CMSS1: variants seen among roughly 807,000 people sequenced by gnomAD.
CMSS1 encodes the protein protein CMSS1.
CMSS1 carries 33 observed loss-of-function variants against 43.5 expected under a neutral mutation model. The observed-to-expected ratio is 0.76, with a 90% CI of 0.57 to 1.01. The LOEUF is 1.01. CMSS1 is among the 50% of genes least tolerant of loss of function. The pLI is 0.00. For missense variants in CMSS1, 313 were observed against 326.4 expected, an observed-to-expected ratio of 0.96 and a Z score of 0.32; for synonymous variants, 115 against 117.2, an observed-to-expected ratio of 0.98 and a Z score of 0.12.
chr3:100,133,185 G>T lies in CMSS1; in HGVS notation c.65-13788G>T, dbSNP rs151309636. The stretch of plus-strand genomic sequence containing the variant: ...TGAAATAATCTAAGTAATGATAGAA[G>T]AACAAAGAAATATATTGTAGACAAA... On this transcript the variant is annotated intron_variant, in intron 1 of 9. Coordinates refer to ENST00000421999, the MANE Select transcript of CMSS1 (RefSeq NM_032359.4). 8.2e-4 allele frequency among the ~76,000 whole-genome samples: 125 copies of T among 152,048 alleles called. 1 individual carries two copies. The highest frequency in any genetic ancestry group is 2.8e-3 in the African/African-American group (118 of 41,512).
intron 1 of CMSS1, among the ~76,000 whole-genome samples, chr3:100,145,033 A>G (rs900857904): frequency 6.6e-6 from 1 of 152,220 alleles, no homozygotes; most frequent in South Asian, 2.1e-4. Flanking sequence ...CAGAGATCCT[A>G]TAAATACTTT....
intron 1 of CMSS1, among the ~76,000 whole-genome samples, chr3:100,068,924 T>C (rs2065714255): frequency 6.6e-6 from 1 of 152,178 alleles, no homozygotes; most frequent in Non-Finnish European, 1.5e-5. Flanking sequence ...AAGTTCAGCT[T>C]GCTCTCACCC....
chr3:99,959,169 G>A (rs972119180), intron 1 of CMSS1, among the ~76,000 whole-genome samples: 14 of 152,000 alleles, frequency 9.2e-5, no homozygotes, highest in African/African-American at 3.4e-4. Context: ...TATTTTTTGA[G>A]GCAGAGTCTC....
At chr3:100,048,090 C>G (rs940541460) in intron 1 of CMSS1, among the ~76,000 whole-genome samples, 17 of 152,152 alleles carry the variant, frequency 1.1e-4, no homozygotes, top group African/African-American at 3.1e-4. Flanking sequence ...CAAACAGCCA[C>G]AATCCAAGTC....
intron 1 of CMSS1, among the ~76,000 whole-genome samples, chr3:100,002,258 CTCTTT>C (rs1709864602): frequency 6.6e-6 from 1 of 152,192 alleles, no homozygotes; most frequent in African/African-American, 2.4e-5. Flanking sequence ...GTTAGAGCAT[CTCTTT>C]TAAGTTATGA....
rs9844851 is a variant in CMSS1 at position 100,087,495 on chromosome 3, G to A, written c.65-59478G>A. 8.9e-3 allele frequency among the ~76,000 whole-genome samples: 1,359 copies of A among 152,224 alleles called. 20 individuals are homozygous for A. The highest frequency in any genetic ancestry group is 0.017 in the Middle Eastern group (5 of 294). On this transcript the variant is annotated intron_variant, in intron 1 of 9. Transcript: ENST00000421999. ...TTTCCACAATGACTAATGGTGTTGA[G>A]CATCTTTTCATAGACCTATTTTTCA... is the stretch of plus-strand genomic sequence containing the variant.
At chr3:100,045,595 C>G (rs1016547934) in intron 1 of CMSS1, among the ~76,000 whole-genome samples, 1 of 152,022 alleles carries the variant, frequency 6.6e-6, no homozygotes, top group Non-Finnish European at 1.5e-5. Context: ...ACATTTGGAC[C>G]CAAATGATTT....
At chr3:99,870,507 C>T (rs1003383559) in intron 1 of CMSS1, among the ~76,000 whole-genome samples, 4 of 152,090 alleles carry the variant, frequency 2.6e-5, no homozygotes, top group Admixed American at 2.6e-4. Context: ...AGTTGTTGTC[C>T]AAGAGCTGCT....
intron 1 of CMSS1, among the ~76,000 whole-genome samples, chr3:100,057,928 C>T (rs1222876281): frequency 6.6e-6 from 1 of 152,176 alleles, no homozygotes; most frequent in Non-Finnish European, 1.5e-5. Flanking sequence ...AACTAACTGA[C>T]TGTCTAAATC....
intron 1 of CMSS1, among the ~76,000 whole-genome samples, chr3:99,857,028 C>A (rs933082762): frequency 6.6e-6 from 1 of 152,192 alleles, no homozygotes; most frequent in Non-Finnish European, 1.5e-5. Flanking sequence ...GTATCACTGT[C>A]TGATTCATTT....
intron 1 of CMSS1, among the ~76,000 whole-genome samples, chr3:100,102,861 G>A (rs187669599): frequency 1.1e-4 from 17 of 152,322 alleles, no homozygotes; most frequent in African/African-American, 3.8e-4. Context: ...GAGGTTTTCT[G>A]TTTAGGGAAT....
chr3:100,109,544 G>C (rs1002318910), intron 1 of CMSS1, among the ~76,000 whole-genome samples: 7 of 152,002 alleles, frequency 4.6e-5, no homozygotes, highest in Non-Finnish European at 1.0e-4. Context: ...AGTTTTTGGG[G>C]GTTTTTTCCC....
In CMSS1 at chr3:100,010,258, A is replaced by G. The variant is rs141391047; in HGVS notation, c.65-136715A>G. 1.9e-3 allele frequency: 676 copies of G among 355,612 alleles called. 3 individuals carry two copies. The highest frequency in any genetic ancestry group is 2.4e-3 in the Non-Finnish European group (603 of 254,346). 22.0% of individuals were successfully genotyped at this position (355,612 alleles called of 1,614,324 possible). ...CTCAGTATGTTTTTCCCCCCACAAC[A>G]TTGTCCTTAGTAGTATACTGTGTTC... On this transcript the variant is annotated intron_variant, in intron 1 of 9. Coordinates refer to ENST00000421999, the MANE Select transcript of CMSS1 (RefSeq NM_032359.4).
chr3:100,147,265 C>CTT (rs71132514), intron 2 of CMSS1, among the ~76,000 whole-genome samples: 616 of 86,732 alleles, frequency 7.1e-3, no homozygotes, highest in Middle Eastern at 0.015. Context: ...AATTCTTTTT[C>CTT]TTTTTTTTTT....
chr3:100,006,980 A>C (rs9874884), intron 1 of CMSS1, among the ~76,000 whole-genome samples: 1,770 of 152,326 alleles, frequency 0.012, 28 homozygotes, highest in Middle Eastern at 0.037. Flanking sequence ...TTTGTCCAAA[A>C]CTTGAGCATA....
intron 1 of CMSS1, among the ~76,000 whole-genome samples, chr3:100,076,165 A>G (rs1370223610): frequency 6.6e-6 from 1 of 152,216 alleles, no homozygotes; most frequent in African/African-American, 2.4e-5. Context: ...ACCCTTAAAA[A>G]TGTAAACAAT....
chr3:100,074,890 C>T (rs973096764), intron 1 of CMSS1, among the ~76,000 whole-genome samples: 11 of 151,592 alleles, frequency 7.3e-5, no homozygotes, highest in Admixed American at 2.0e-4. Context: ...GACAGGGTTT[C>T]GCCGTGTTGG....
At chr3:100,067,123 C>T (rs529885423) in intron 1 of CMSS1, among the ~76,000 whole-genome samples, 1 of 152,144 alleles carries the variant, frequency 6.6e-6, no homozygotes, top group Non-Finnish European at 1.5e-5. Flanking sequence ...ACCTAGAATA[C>T]AGGAGTTTTG....
In CMSS1 at chr3:99,883,182, T is replaced by G. The variant is rs994895245; in HGVS notation, c.64+65139T>G. 1.3e-5 allele frequency among the ~76,000 whole-genome samples: 2 copies of G among 152,228 alleles called. 1 individual carries two copies. Among genetic ancestry groups the G allele is most frequent in the East Asian group, 3.8e-4 (2 of 5,206 alleles). On this transcript the variant is annotated intron_variant, in intron 1 of 9. Transcript: ENST00000421999. ...AAGAATTGGTACATGCACAGTCTAGTTGTTATTAATCAGTGCCGAACAGCT... is the reference window on the plus strand; with the variant it reads ...AAGAATTGGTACATGCACAGTCTAGGTGTTATTAATCAGTGCCGAACAGCT...
Sources: gnomAD v4.1 joint callset for allele counts (sites outside exome capture counted in the v4.1 genomes callset) on GRCh38, gnomAD v4.1.1 for gene constraint, MANE v1.5 for transcripts, NCBI Gene and HGNC (gene_info 2026-07-23, HGNC 2026-07-21) for gene names.